Variants in XKR6 observed in about 807,000 individuals in gnomAD.
XKR6 encodes the protein XK-related protein 6.
In XKR6, 22 loss-of-function variants were observed where a neutral mutation model predicts 56.7. That is an observed-to-expected ratio of 0.39 (90% CI 0.28 to 0.55). The LOEUF is 0.55. Among genes scored for constraint, XKR6 ranks in the 20% least tolerant of loss-of-function variants. XKR6 has a pLI of 0.66. For synonymous variants in XKR6, 524 were observed against 387.8 expected, an observed-to-expected ratio of 1.35 and a Z score of -4.13; for missense variants, 852 against 889.0, an observed-to-expected ratio of 0.96 and a Z score of 0.53.
At chr8:10,953,008 G>T (rs532321322) in intron 1 of XKR6, among the ~76,000 whole-genome samples, 1 of 152,162 alleles carries the variant, frequency 6.6e-6, no homozygotes, top group South Asian at 2.1e-4. Context: ...TCTAATGCAT[G>T]ATGATCTGTC....
chr8:11,034,442 G>C (rs1230980889), intron 1 of XKR6, among the ~76,000 whole-genome samples: 1 of 152,198 alleles, frequency 6.6e-6, no homozygotes, highest in African/African-American at 2.4e-5. Flanking sequence ...TGTGTCTAGA[G>C]CTCCAGGTGA....
At chr8:10,982,036 G>A (rs1228744684) in intron 1 of XKR6, among the ~76,000 whole-genome samples, 1 of 152,214 alleles carries the variant, frequency 6.6e-6, no homozygotes, top group Non-Finnish European at 1.5e-5. Context: ...GATCACCGCA[G>A]AAGCCTTAGT....
intron 1 of XKR6, among the ~76,000 whole-genome samples, chr8:10,967,817 C>A (rs1257174882): frequency 2.0e-5 from 3 of 152,166 alleles, no homozygotes; most frequent in Admixed American, 6.5e-5. Context: ...TGGGGTGAGG[C>A]CTTAGGTGGT....
At chr8:10,979,345 C>T (rs543715307) in intron 1 of XKR6, among the ~76,000 whole-genome samples, 1 of 151,848 alleles carries the variant, frequency 6.6e-6, no homozygotes, top group Non-Finnish European at 1.5e-5. Context: ...AATGAGGAAG[C>T]AAGCAGAAGG....
chr8:11,079,545 C>T lies in XKR6; in HGVS notation c.764+121031G>A, dbSNP rs144433529. On this transcript the variant is annotated intron_variant, in intron 1 of 2. Coordinates refer to ENST00000416569, the MANE Select transcript of XKR6 (RefSeq NM_173683.4). ...CACTGCACCAATTGTTAGTAGCTGT[C>T]GCCTCTGGAAGGGGAAAAAGGAAAT... Among the ~76,000 whole-genome samples, 548 of 152,250 alleles carry T rather than the reference C, an allele frequency of 3.6e-3. 9 individuals carry two copies. The highest frequency in any genetic ancestry group is 0.013 in the African/African-American group (522 of 41,538).
At chr8:11,145,296 T>C (rs1363321959) in intron 1 of XKR6, among the ~76,000 whole-genome samples, 1 of 152,160 alleles carries the variant, frequency 6.6e-6, no homozygotes, top group African/African-American at 2.4e-5. Flanking sequence ...TGGTTCCAAA[T>C]GTTTCAGATA....
At chr8:11,114,725 A>ATGTGTGTGTG (rs1491486493) in intron 1 of XKR6, among the ~76,000 whole-genome samples, 153 of 77,692 alleles carry the variant, frequency 2.0e-3, no homozygotes, top group African/African-American at 7.8e-3. Context: ...CTTAGATCAC[A>ATGTGTGTGTG]TATGTGTGTG....
At chr8:10,978,772 C>G (rs1337045107) in intron 1 of XKR6, among the ~76,000 whole-genome samples, 1 of 152,230 alleles carries the variant, frequency 6.6e-6, no homozygotes, top group African/African-American at 2.4e-5. Context: ...CAGGGGCAGC[C>G]AGACAACTCC....
At chr8:11,037,554 C>A (rs1180885053) in intron 1 of XKR6, among the ~76,000 whole-genome samples, 2 of 152,104 alleles carry the variant, frequency 1.3e-5, no homozygotes, top group Admixed American at 6.5e-5. Context: ...TACTGTGTTA[C>A]ACGCATGTAA....
At chr8:11,068,755 C>T (rs1164278268) in intron 1 of XKR6, among the ~76,000 whole-genome samples, 3 of 152,204 alleles carry the variant, frequency 2.0e-5, no homozygotes, top group African/African-American at 4.8e-5. Context: ...CAGCTGGACA[C>T]TGATGGTGTG....
At chr8:10,956,462 G>T (rs1421945040) in intron 1 of XKR6, among the ~76,000 whole-genome samples, 1 of 152,190 alleles carries the variant, frequency 6.6e-6, no homozygotes, top group Non-Finnish European at 1.5e-5. Context: ...TCCCCAAGAA[G>T]GCCAAGAGTT....
chr8:11,105,775 T>C (rs1679773888), intron 1 of XKR6: 1 of 152,200 alleles, frequency 6.6e-6, no homozygotes, highest in Admixed American at 6.5e-5. Flanking sequence ...CCTCAAGCAC[T>C]TGGTAATTAC....
At chr8:11,153,161 C>A (rs949360405) in intron 1 of XKR6, among the ~76,000 whole-genome samples, 1 of 152,144 alleles carries the variant, frequency 6.6e-6, no homozygotes, top group African/African-American at 2.4e-5. Context: ...ATAAAAATAA[C>A]CACCACCAAA....
In XKR6 at chr8:11,200,616, G is replaced by A; in HGVS notation, c.724C>T (p.Gln242Ter). 6.5e-7 allele frequency: 1 copy of A among 1,546,984 alleles called. No individual in the cohort carries two copies. Among genetic ancestry groups the A allele is most frequent in the Non-Finnish European group, 8.6e-7 (1 of 1,157,646 alleles). ...ATCTGCAGCAGGTGGATGACCGACT[G>A]CCAGATCCACACGGAGAGGCGACAC... ...RLCRLSVWIW[Q>*]SVIHLLQMGQ... The change falls in exon 1 of 3, where the codon CAG becomes TAG. Residue 242 changes from glutamine to a stop codon, truncating the protein, a stop_gained. Transcript: ENST00000416569. LOFTEE classifies it high-confidence loss of function. This position sits in a 1 kb window ranked among gnomAD's most constrained non-coding sequence, Gnocchi z 6.4.
At chr8:11,173,592 G>T (rs1478567380) in intron 1 of XKR6, among the ~76,000 whole-genome samples, 1 of 152,010 alleles carries the variant, frequency 6.6e-6, no homozygotes, top group Admixed American at 6.6e-5. Flanking sequence ...CTGTAAGATG[G>T]GGTCACCATG....
At chr8:11,104,937 T>A (rs766078013) in intron 1 of XKR6, 1 of 152,098 alleles carries the variant, frequency 6.6e-6, no homozygotes, top group Non-Finnish European at 1.5e-5. Context: ...CCAGAAAGAG[T>A]TCTCAGTCAA....
chr8:10,957,996 G>A (rs926724175), intron 1 of XKR6, among the ~76,000 whole-genome samples: 1 of 152,148 alleles, frequency 6.6e-6, no homozygotes, highest in Non-Finnish European at 1.5e-5. Flanking sequence ...CTACTGAACT[G>A]AAAGGAAAAA....
chr8:11,034,351 G>T (rs1799084298), intron 1 of XKR6, among the ~76,000 whole-genome samples: 1 of 152,180 alleles, frequency 6.6e-6, no homozygotes, highest in Admixed American at 6.5e-5. Flanking sequence ...CAAGAAGGGT[G>T]CCACAGGCCG....
intron 1 of XKR6, among the ~76,000 whole-genome samples, chr8:11,143,997 T>C (rs111545338): frequency 2.2e-3 from 337 of 152,168 alleles, no homozygotes; most frequent in African/African-American, 7.5e-3. Context: ...TGCATGTGTG[T>C]CCCTGGGGTC....
Sources: allele counts gnomAD v4.1 joint callset (sites outside exome capture counted in the v4.1 genomes callset), GRCh38; gene constraint gnomAD v4.1.1; non-coding constraint Gnocchi (gnomAD v3.1); transcripts MANE v1.5; gene names NCBI Gene and HGNC (gene_info 2026-07-23, HGNC 2026-07-21).